SCAI: variants seen among roughly 807,000 people sequenced by gnomAD.
SCAI encodes suppressor of cancer cell invasion.
A neutral mutation model predicts 92.2 loss-of-function variants in SCAI; 24 were observed. The observed-to-expected ratio is 0.26, with a 90% CI of 0.19 to 0.37. The LOEUF is 0.37. SCAI is among the 10% of genes least tolerant of loss of function. The probability of loss-of-function intolerance (pLI) is 1.00; values close to 1 mark genes in which losing one functional copy is unlikely to be tolerated. For missense variants in SCAI, 450 were observed against 736.2 expected, an observed-to-expected ratio of 0.61 and a Z score of 4.50; for synonymous variants, 261 against 258.6, an observed-to-expected ratio of 1.01 and a Z score of -0.09.
chr9:125,116,551 T>G (rs1306940581), intron 2 of SCAI, among the ~76,000 whole-genome samples: 2 of 152,148 alleles, frequency 1.3e-5, no homozygotes, highest in East Asian at 3.8e-4. Context: ...GTTTAAATTT[T>G]TTATTACAAG....
chr9:125,138,516 G>T (rs959288159), intron 2 of SCAI, among the ~76,000 whole-genome samples: 1 of 152,008 alleles, frequency 6.6e-6, no homozygotes, highest in African/African-American at 2.4e-5. Flanking sequence ...CCGGGTTCAC[G>T]TCATTCTCCT....
At chr9:125,047,120 A>G (rs1833459684) in intron 3 of SCAI, among the ~76,000 whole-genome samples, 1 of 152,222 alleles carries the variant, frequency 6.6e-6, no homozygotes, top group Admixed American at 6.5e-5. Context: ...TCTAACTCCC[A>G]GTATCTCAGA....
At chr9:125,010,679 GT>G in intron 9 of SCAI, among the ~76,000 whole-genome samples, 1 of 152,320 alleles carries the variant, frequency 6.6e-6, no homozygotes, top group East Asian at 1.9e-4. Context: ...GAAGACAGCA[GT>G]GGTTCTCCCA....
chr9:125,033,405 G>A (rs1833123877), intron 3 of SCAI, among the ~76,000 whole-genome samples: 2 of 151,966 alleles, frequency 1.3e-5, no homozygotes, highest in Non-Finnish European at 2.9e-5. Flanking sequence ...AGCACAAGTA[G>A]GAAAACAGCC....
intron 17 of SCAI, among the ~76,000 whole-genome samples, chr9:124,970,462 T>A (rs1203390656): frequency 2.6e-5 from 4 of 151,684 alleles, no homozygotes; most frequent in Admixed American, 6.6e-5. Flanking sequence ...CTCATGCCAA[T>A]AATCCCAGCG....
chr9:125,085,211 G>T (rs1834302487), intron 2 of SCAI, among the ~76,000 whole-genome samples: 1 of 152,232 alleles, frequency 6.6e-6, no homozygotes, highest in Admixed American at 6.5e-5. Context: ...TAACAGACGG[G>T]TGCGGTGGCT....
chr9:124,959,191 G>A (rs1831382830), intron 17 of SCAI, among the ~76,000 whole-genome samples: 1 of 149,640 alleles, frequency 6.7e-6, no homozygotes, highest in African/African-American at 2.5e-5. Flanking sequence ...ACACCAACAT[G>A]GCACATGTAT....
At position 125,091,293 on chromosome 9, in the gene SCAI, T is replaced by C. The variant is rs558024362; in HGVS notation, c.99-35286A>G. ...TTTCTGAACCAGATTCTCCAGTCTTTCCATCCATGCTGTGAGGTACTTGAC... is the reference window on the plus strand; with the variant it reads ...TTTCTGAACCAGATTCTCCAGTCTTCCCATCCATGCTGTGAGGTACTTGAC... On this transcript the variant is annotated intron_variant, in intron 2 of 17. Transcript: ENST00000336505. The surrounding 1 kb of genome is among the most constrained non-coding windows in gnomAD (Gnocchi z 4.3). 9.8e-5 allele frequency among the ~76,000 whole-genome samples: 15 copies of C among 152,336 alleles called. No homozygotes were observed. Among genetic ancestry groups the C allele is most frequent in the African/African-American group, 3.1e-4 (13 of 41,566 alleles).
intron 2 of SCAI, among the ~76,000 whole-genome samples, chr9:125,073,962 CAT>C (rs1270419780): frequency 2.0e-5 from 3 of 147,922 alleles, no homozygotes; most frequent in Non-Finnish European, 3.0e-5. Flanking sequence ...TTTTTTTAAA[CAT>C]AGAGTTGCCA....
chr9:124,971,725 G>A lies in SCAI; in HGVS notation c.1519C>T (p.Leu507Phe), dbSNP rs780971540. Residue 507 changes from leucine (L) to phenylalanine (F), a missense_variant, in exon 16 of 18, where the codon CTT becomes TTT. Transcript: ENST00000336505. ...RGLWEKCQEYLRKINRDIAQL... is the reference protein window; with the variant it reads ...RGLWEKCQEYFRKINRDIAQL... ...GCAATATCACGGTTGATTTTTCGAA[G>A]ATATTCTTGACACTTTTCCCATAGG... 1 of 1,611,802 alleles carries A rather than the reference G, an allele frequency of 6.2e-7. No individual in the cohort carries two copies. Among genetic ancestry groups the A allele is most frequent in the South Asian group, 1.1e-5 (1 of 90,450 alleles).
chr9:125,143,132 T>C (rs1355997777), intron 1 of SCAI, among the ~76,000 whole-genome samples: 1 of 68,222 alleles, frequency 1.5e-5, no homozygotes. Context: ...GCCTTGCCCC[T>C]CCCGGCCCCG....
rs1831185356 is a variant in SCAI, at chr9:124,948,411, TAAAAGATA to T, written c.*4388_*4395del. 1 of 152,222 alleles carries T rather than the reference TAAAAGATA, an allele frequency of 6.6e-6. No homozygotes were observed. Among genetic ancestry groups the T allele is most frequent in the South Asian group, 2.1e-4 (1 of 4,830 alleles). The allele number at this position is 152,222 out of a possible 1,614,324, so 9.4% of individuals were successfully genotyped here. On this transcript the variant is annotated 3_prime_UTR_variant, in exon 18 of 18. Transcript: ENST00000336505. The stretch of plus-strand genomic sequence containing the variant: ...AATGAAGAATACATCCTGGCTAGAA[TAAAAGATA>T]AAATGTCAGATTTGTGGATTTTTAC...
intron 14 of SCAI, among the ~76,000 whole-genome samples, chr9:124,988,087 ACG>A (rs1832036958): frequency 1.3e-5 from 2 of 151,848 alleles, no homozygotes; most frequent in African/African-American, 4.8e-5. Flanking sequence ...ACATACACAC[ACG>A]CTTCAGGGAA....
chr9:125,043,292 G>A (rs1408463268), intron 3 of SCAI, among the ~76,000 whole-genome samples: 2 of 152,148 alleles, frequency 1.3e-5, no homozygotes, highest in Non-Finnish European at 2.9e-5. Context: ...ACATATTCTT[G>A]TTTAAACACA....
intron 1 of SCAI, 98 bp from the exon 2 acceptor site, chr9:125,142,775 T>G: frequency 9.8e-7 from 1 of 1,016,716 alleles, no homozygotes; most frequent in Non-Finnish European, 1.6e-6. Flanking sequence ...GACCACCCTC[T>G]GGGACCACAG....
intron 2 of SCAI, among the ~76,000 whole-genome samples, chr9:125,089,702 T>C (rs954076140): frequency 2.0e-5 from 3 of 151,786 alleles, no homozygotes; most frequent in Admixed American, 6.6e-5. Flanking sequence ...GGGCAGTGTT[T>C]GTTTGTTTTG....
chr9:125,023,553 T>C (rs570163650), intron 6 of SCAI, among the ~76,000 whole-genome samples: 6 of 152,300 alleles, frequency 3.9e-5, no homozygotes, highest in African/African-American at 7.2e-5. Context: ...TCATGGATTA[T>C]ACAACCAGCA....
intron 6 of SCAI, among the ~76,000 whole-genome samples, chr9:125,023,808 T>C (rs1188582837): frequency 6.6e-6 from 1 of 152,192 alleles, no homozygotes; most frequent in Non-Finnish European, 1.5e-5. Context: ...CTTTCTATTT[T>C]GGAAGCCACT....
At chr9:124,979,902 T>C (rs1831846096) in intron 14 of SCAI, among the ~76,000 whole-genome samples, 2 of 151,956 alleles carry the variant, frequency 1.3e-5, no homozygotes, top group Middle Eastern at 3.4e-3. Flanking sequence ...ACAAAAAAAT[T>C]AGCCGGGCAT....
Sources: allele counts gnomAD v4.1 joint callset (sites outside exome capture counted in the v4.1 genomes callset), GRCh38; gene constraint gnomAD v4.1.1; non-coding constraint Gnocchi (gnomAD v3.1); transcripts MANE v1.5; gene names NCBI Gene and HGNC (gene_info 2026-07-23, HGNC 2026-07-21).